Variants in KCNQ3 observed in about 807,000 individuals in gnomAD.
The protein encoded by KCNQ3 is potassium voltage-gated channel subfamily KQT member 3.
KCNQ3 carries 30 observed loss-of-function variants against 92.5 expected under a neutral mutation model. That is an observed-to-expected ratio of 0.32 (90% CI 0.24 to 0.44). KCNQ3 has a LOEUF of 0.44. KCNQ3 is among the 20% of genes least tolerant of loss of function. The pLI is 1.00. For synonymous variants in KCNQ3, 450 were observed against 468.8 expected, an observed-to-expected ratio of 0.96 and a Z score of 0.52; for missense variants, 913 against 1,140.3, an observed-to-expected ratio of 0.80 and a Z score of 2.87.
intron 1 of KCNQ3, among the ~76,000 whole-genome samples, chr8:132,230,501 C>A (rs551165562): frequency 6.7e-6 from 1 of 150,046 alleles, no homozygotes; most frequent in African/African-American, 2.5e-5. Flanking sequence ...TAACCTCTTA[C>A]CATATTAAGT....
At chr8:132,263,328 G>A (rs1020437355) in intron 1 of KCNQ3, among the ~76,000 whole-genome samples, 1 of 152,196 alleles carries the variant, frequency 6.6e-6, no homozygotes, top group Non-Finnish European at 1.5e-5. Context: ...TGACTTCCTG[G>A]AGCCTGAATC....
chr8:132,450,413 G>A (rs1265462115), intron 1 of KCNQ3, among the ~76,000 whole-genome samples: 2 of 152,164 alleles, frequency 1.3e-5, no homozygotes, highest in Non-Finnish European at 2.9e-5. Context: ...ACAGAGTGCT[G>A]ATTGGTGCAT....
At chr8:132,198,885 T>C (rs1485215857) in intron 1 of KCNQ3, among the ~76,000 whole-genome samples, 1 of 152,138 alleles carries the variant, frequency 6.6e-6, no homozygotes, top group Non-Finnish European at 1.5e-5. Flanking sequence ...TCAGTCTTCT[T>C]AGTTAAGAGA....
At chr8:132,293,070 A>G (rs189477894) in intron 1 of KCNQ3, among the ~76,000 whole-genome samples, 50 of 152,300 alleles carry the variant, frequency 3.3e-4, no homozygotes, top group African/African-American at 1.2e-3. Flanking sequence ...GATCATGTGA[A>G]GATTTCTGGA....
chr8:132,139,977 C>T, intron 11 of KCNQ3, 99 bp downstream of exon 11: 1 of 827,054 alleles, frequency 1.2e-6, no homozygotes, highest in Non-Finnish European at 1.9e-6. Flanking sequence ...TCTCTTCCCC[C>T]TTCCCAAAGT....
chr8:132,467,627 T>C (rs1822204114), intron 1 of KCNQ3, among the ~76,000 whole-genome samples: 2 of 152,170 alleles, frequency 1.3e-5, no homozygotes, highest in South Asian at 4.1e-4. Flanking sequence ...CGTTTACTCC[T>C]CCTACTGTTC....
intron 1 of KCNQ3, among the ~76,000 whole-genome samples, chr8:132,251,768 T>A (rs540505105): frequency 1.3e-5 from 2 of 152,330 alleles, no homozygotes; most frequent in Non-Finnish European, 2.9e-5. Flanking sequence ...AGTCAGAGAA[T>A]GCTTAAAAAC....
intron 12 of KCNQ3, among the ~76,000 whole-genome samples, chr8:132,135,111 C>CTTCT (rs1470025852): frequency 6.6e-6 from 1 of 152,234 alleles, no homozygotes; most frequent in East Asian, 1.9e-4. Context: ...CTGTTGTTTC[C>CTTCT]TTCTTTGTGT....
rs555860287 is a variant in KCNQ3 at position 132,219,133 on chromosome 8, A to G, written c.387-32952T>C. ...AATGGAGCATCTCAGAATCTGGTTTATCTGTTTCTAAAGTGTTTTTCCACT... is the reference window on the plus strand; with the variant it reads ...AATGGAGCATCTCAGAATCTGGTTTGTCTGTTTCTAAAGTGTTTTTCCACT... On this transcript the variant is annotated intron_variant, in intron 1 of 14. Coordinates refer to ENST00000388996, the MANE Select transcript of KCNQ3 (RefSeq NM_004519.4). 1.3e-3 allele frequency among the ~76,000 whole-genome samples: 198 copies of G among 152,278 alleles called. 2 individuals are homozygous for G. Among genetic ancestry groups the G allele is most frequent in the Middle Eastern group, 3.4e-3 (1 of 294 alleles).
chr8:132,261,228 G>T (rs976593546), intron 1 of KCNQ3, among the ~76,000 whole-genome samples: 1 of 152,206 alleles, frequency 6.6e-6, no homozygotes, highest in South Asian at 2.1e-4. Context: ...CTGTTTGGAT[G>T]TATTGGTTTC....
intron 1 of KCNQ3, among the ~76,000 whole-genome samples, chr8:132,341,124 G>A (rs2130685339): frequency 6.6e-6 from 1 of 152,322 alleles, no homozygotes; most frequent in African/African-American, 2.4e-5. Context: ...GACAGTTCTG[G>A]TCTAACAGGA....
intron 1 of KCNQ3, among the ~76,000 whole-genome samples, chr8:132,330,906 G>A (rs1818208901): frequency 6.6e-6 from 1 of 152,174 alleles, no homozygotes; most frequent in Admixed American, 6.5e-5. Context: ...GGGTCTGATG[G>A]ACATAACTTT....
At position 132,140,113 on chromosome 8, in the gene KCNQ3, T is replaced by C. The variant is rs200219106; in HGVS notation, c.1531A>G (p.Met511Val). ...GYGNDFPIED[M>V]IPTLKAAIRA... is the part of the protein sequence containing the mutation. Reference sequence around the variant, plus strand: ...ATGGCGGCCTTCAGGGTGGGGATCATGTCTTCGATGGGGAAGTCATTCCCA... The same window carrying C: ...ATGGCGGCCTTCAGGGTGGGGATCACGTCTTCGATGGGGAAGTCATTCCCA... Residue 511 changes from methionine to valine, a missense_variant, in exon 11 of 15, where the codon ATG becomes GTG. Met to Val is a conservative substitution (Grantham distance 21). Coordinates refer to ENST00000388996, the MANE Select transcript of KCNQ3 (RefSeq NM_004519.4). 2 of 1,610,490 alleles carry C rather than the reference T, an allele frequency of 1.2e-6. No individual in the cohort carries two copies. Among genetic ancestry groups the C allele is most frequent in the Non-Finnish European group, 1.7e-6 (2 of 1,178,470 alleles).
intron 2 of KCNQ3, 152 bp from the exon 3 acceptor site, chr8:132,184,519 G>C (rs1274914073): frequency 1.3e-6 from 1 of 794,464 alleles, no homozygotes; most frequent in Non-Finnish European, 2.1e-6. Flanking sequence ...GGTGGGGAAG[G>C]GGAACCGGGA....
At chr8:132,395,081 C>T (rs1190599292) in intron 1 of KCNQ3, among the ~76,000 whole-genome samples, 1 of 152,184 alleles carries the variant, frequency 6.6e-6, no homozygotes, top group Non-Finnish European at 1.5e-5. Context: ...CTGTTCCCTT[C>T]CAACCCTGCT....
chr8:132,292,381 G>A (rs1356126277), intron 1 of KCNQ3, among the ~76,000 whole-genome samples: 3 of 152,150 alleles, frequency 2.0e-5, no homozygotes, highest in Non-Finnish European at 2.9e-5. Context: ...TCCCCACTGT[G>A]CAAATGAGGA....
intron 1 of KCNQ3, among the ~76,000 whole-genome samples, chr8:132,457,623 C>G (rs1821972418): frequency 1.3e-5 from 2 of 152,194 alleles, no homozygotes; most frequent in South Asian, 4.1e-4. Flanking sequence ...CAAAGGCTGC[C>G]TCCAGAAAAC....
intron 1 of KCNQ3, among the ~76,000 whole-genome samples, chr8:132,379,074 G>A (rs1347657024): frequency 6.6e-6 from 1 of 152,142 alleles, no homozygotes; most frequent in East Asian, 1.9e-4. Flanking sequence ...GAAGTCCCCT[G>A]CATTTTGGTT....
chr8:132,140,051 A>G (rs762994621), intron 11 of KCNQ3, 25 bp downstream of exon 11: 31 of 1,514,246 alleles, frequency 2.0e-5, no homozygotes, highest in Admixed American at 5.6e-5. Context: ...GCACACAGGC[A>G]CAGGTGGGAC....
Sources: gnomAD v4.1 joint callset for allele counts (sites outside exome capture counted in the v4.1 genomes callset) on GRCh38, gnomAD v4.1.1 for gene constraint, MANE v1.5 for transcripts, NCBI Gene and HGNC (gene_info 2026-07-23, HGNC 2026-07-21) for gene names.